DYNC2I1: variants seen among roughly 807,000 people sequenced by gnomAD.
DYNC2I1 encodes dynein 2 intermediate chain 1, also known as cytoplasmic dynein 2 intermediate chain 1.
A neutral mutation model predicts 133.4 loss-of-function variants in DYNC2I1; 89 were observed. That is an observed-to-expected ratio of 0.67 (90% CI 0.56 to 0.80). The LOEUF (loss-of-function observed/expected upper bound fraction) is 0.80. DYNC2I1 is among the 30% of genes least tolerant of loss of function. The probability of loss-of-function intolerance (pLI) is 0.00; values close to 1 mark genes in which losing one functional copy is unlikely to be tolerated. For missense variants in DYNC2I1, 1,291 were observed against 1,314.5 expected (o/e 0.98, Z 0.28); for synonymous variants, 504 against 484.3 (o/e 1.04, Z -0.54).
chr7:158,885,384 G>A (rs377436514), intron 6 of DYNC2I1, among the ~76,000 whole-genome samples: 22 of 148,718 alleles, frequency 1.5e-4, no homozygotes, highest in African/African-American at 5.5e-4. Context: ...CTTTGTTGCC[G>A]AGCCTGGAGT....
intron 22 of DYNC2I1, 33 bp downstream of exon 22, chr7:158,934,261 C>G: frequency 6.4e-7 from 1 of 1,573,206 alleles, no homozygotes; most frequent in African/African-American, 1.4e-5. Flanking sequence ...TCCTATTACT[C>G]ATTCTCCTTG....
chr7:158,874,022 G>C (rs1843116608), intron 3 of DYNC2I1, among the ~76,000 whole-genome samples: 1 of 151,986 alleles, frequency 6.6e-6, no homozygotes, highest in Non-Finnish European at 1.5e-5. Flanking sequence ...ACCTCCCAGA[G>C]TACTAGGATT....
intron 7 of DYNC2I1, 136 bp downstream of exon 7, chr7:158,887,211 C>T (rs911285064): frequency 1.2e-6 from 1 of 813,800 alleles, no homozygotes; most frequent in Admixed American, 2.5e-5. Flanking sequence ...GTGGTGATCC[C>T]AGAAGGCACA....
At position 158,870,772 on chromosome 7, in the gene DYNC2I1, G is replaced by A. The variant is rs138233946; in HGVS notation, c.70-370G>A. Reference sequence around the variant, plus strand: ...CTTGTGGAGTGGTGAAGTCTGGGCCGTTAGTGCTCCTGACACCCGAATAGT... The same window carrying A: ...CTTGTGGAGTGGTGAAGTCTGGGCCATTAGTGCTCCTGACACCCGAATAGT... On this transcript the variant is annotated intron_variant, in intron 2 of 24. Transcript: ENST00000407559. Among the ~76,000 whole-genome samples, 173 of 152,226 alleles carry A rather than the reference G, an allele frequency of 1.1e-3. 1 individual carries two copies. Among genetic ancestry groups the A allele is most frequent in the African/African-American group, 3.9e-3 (163 of 41,526 alleles).
the DYNC2I1 span, among the ~76,000 whole-genome samples, chr7:158,845,783 A>G: frequency 3.3e-5 from 5 of 152,234 alleles, no homozygotes; most frequent in Non-Finnish European, 2.9e-5. Flanking sequence ...TAAATGTAAC[A>G]GAACAAATGC....
At chr7:158,917,806 C>T (rs915810979) in intron 14 of DYNC2I1, among the ~76,000 whole-genome samples, 1 of 152,150 alleles carries the variant, frequency 6.6e-6, no homozygotes, top group Non-Finnish European at 1.5e-5. Flanking sequence ...CTTCCACACT[C>T]TCTTCCTGTC....
At chr7:158,856,546 C>T, upstream of DYNC2I1, 1 of 495,726 alleles carries the variant, frequency 2.0e-6, no homozygotes, top group Non-Finnish European at 3.2e-6. Flanking sequence ...GCCGGGGATG[C>T]GCAGGCGCAC....
rs1221757045 is a variant in DYNC2I1 at position 158,945,132 on chromosome 7, C to G, written c.3003-449C>G. 1.3e-5 allele frequency among the ~76,000 whole-genome samples: 2 copies of G among 152,070 alleles called. No individual in the cohort carries two copies. The highest frequency in any genetic ancestry group is 4.8e-5 in the African/African-American group (2 of 41,414). ...CTGGGTGGATGATGGAGGTGCTGGT[C>G]CCATGGAGGCCAGGAGTGGAGGGGT... On this transcript the variant is annotated intron_variant, in intron 24 of 24. Transcript: ENST00000407559. The surrounding 1 kb of genome is among the most constrained non-coding windows in gnomAD (Gnocchi z 4.1).
chr7:158,844,574 A>C, the DYNC2I1 span, among the ~76,000 whole-genome samples: 1 of 152,214 alleles, frequency 6.6e-6, no homozygotes. Context: ...TAAAGGAAGA[A>C]TCAATTATGC....
chr7:158,923,627 G>C lies in DYNC2I1; in HGVS notation c.2151G>C (p.Ala717=). ...LKAFLLFAGT[A]HGSVVVWDLR... ...CATTTTTACTGTTTGCCGGAACAGC[G>C]CACGGCTCAGTTGTCGTCTGGGATT... The change falls in exon 17 of 25, where the codon GCG becomes GCC. Residue 717 remains alanine, a synonymous_variant. Coordinates refer to ENST00000407559, the MANE Select transcript of DYNC2I1 (RefSeq NM_018051.5). 6.2e-7 allele frequency: 1 copy of C among 1,613,970 alleles called. No homozygotes were observed. Among genetic ancestry groups the C allele is most frequent in the Non-Finnish European group, 8.5e-7 (1 of 1,179,880 alleles).
chr7:158,854,367 G>T (rs987693957), upstream of DYNC2I1, among the ~76,000 whole-genome samples: 1 of 151,976 alleles, frequency 6.6e-6, no homozygotes, highest in Admixed American at 6.6e-5. Flanking sequence ...AGCAAGAAGA[G>T]GGTTTGCATC....
At chr7:158,870,265 C>T (rs896093378) in intron 2 of DYNC2I1, among the ~76,000 whole-genome samples, 6 of 152,136 alleles carry the variant, frequency 3.9e-5, no homozygotes, top group Admixed American at 2.6e-4. Context: ...GGGGCCCAGG[C>T]GGTTTGTGTC....
At chr7:158,956,544 C>T (rs62477971) in intron 4 of DYNC2I1, 1,591 of 152,482 alleles carry the variant, frequency 0.01, 7 homozygotes, top group Non-Finnish European at 0.018. Flanking sequence ...GACGAGAGTA[C>T]TCCCATCCTG....
chr7:158,923,480 A>G (rs1849291672), intron 16 of DYNC2I1, 91 bp from the exon 17 acceptor site: 38 of 1,580,112 alleles, frequency 2.4e-5, no homozygotes, highest in Admixed American at 3.4e-5. Context: ...AAAGTGAAAC[A>G]TGGTCAGACA....
At chr7:158,894,264 G>A (rs1011342681) in intron 8 of DYNC2I1, among the ~76,000 whole-genome samples, 5 of 151,912 alleles carry the variant, frequency 3.3e-5, no homozygotes, top group South Asian at 2.1e-4. Flanking sequence ...ATATCATGGC[G>A]CATATCCTAC....
the DYNC2I1 span, among the ~76,000 whole-genome samples, chr7:158,841,194 TATATATATATATATATATATATATATA>T: frequency 8.7e-5 from 8 of 92,108 alleles, no homozygotes; most frequent in African/African-American, 4.5e-4. Context: ...TATATATATA[TATATATATATATATATATATATATATA>T]TTTTAGACAG....
intron 3 of DYNC2I1, among the ~76,000 whole-genome samples, chr7:158,871,974 G>T (rs1563087168): frequency 2.6e-5 from 4 of 151,886 alleles, no homozygotes; most frequent in East Asian, 1.9e-4. Flanking sequence ...TCTGTTGCGG[G>T]GTGTGTGTGT....
At chr7:158,942,678 C>A (rs371273221) in intron 24 of DYNC2I1, among the ~76,000 whole-genome samples, 1 of 152,144 alleles carries the variant, frequency 6.6e-6, no homozygotes, top group Non-Finnish European at 1.5e-5. Context: ...AATGTCTGAA[C>A]GAGGTACTTG....
chr7:158,867,488 T>G (rs1206347396), intron 1 of DYNC2I1, among the ~76,000 whole-genome samples: 2 of 152,174 alleles, frequency 1.3e-5, no homozygotes, highest in African/African-American at 2.4e-5. Context: ...GCGGATCTTG[T>G]AGGAATCACT....
Sources: allele counts gnomAD v4.1 joint callset (sites outside exome capture counted in the v4.1 genomes callset), GRCh38; gene constraint gnomAD v4.1.1; non-coding constraint Gnocchi (gnomAD v3.1); transcripts MANE v1.5; gene names NCBI Gene and HGNC (gene_info 2026-07-23, HGNC 2026-07-21).